Variants in PPP1R13B observed in about 807,000 individuals in gnomAD.
PPP1R13B encodes the protein apoptosis-stimulating of p53 protein 1.
In PPP1R13B, 44 loss-of-function variants were observed where a neutral mutation model predicts 119.8. The ratio of observed to expected loss-of-function variants is 0.37; its 90% CI spans 0.29 to 0.47. PPP1R13B has a LOEUF of 0.47. Ranked by LOEUF, PPP1R13B falls within the 20% of genes least tolerant of loss-of-function variation. The pLI is 0.99. For synonymous variants in PPP1R13B, 542 were observed against 561.5 expected (o/e 0.97, Z 0.49); for missense variants, 1,227 against 1,413.5 (o/e 0.87, Z 2.12).
At chr14:103,816,391 C>T (rs986439326) in intron 1 of PPP1R13B, among the ~76,000 whole-genome samples, 20 of 148,508 alleles carry the variant, frequency 1.3e-4, no homozygotes, top group Non-Finnish European at 2.2e-4. Flanking sequence ...CTCCAGAACT[C>T]AGGCCAGGTT....
chr14:103,760,266 G>A (rs907142664), intron 4 of PPP1R13B, among the ~76,000 whole-genome samples: 2 of 152,172 alleles, frequency 1.3e-5, no homozygotes, highest in Non-Finnish European at 2.9e-5. Flanking sequence ...GCCTATCACT[G>A]TATTACATGC....
chr14:103,820,746 C>T (rs1293909604), intron 1 of PPP1R13B, among the ~76,000 whole-genome samples: 1 of 150,786 alleles, frequency 6.6e-6, no homozygotes, highest in Non-Finnish European at 1.5e-5. Flanking sequence ...GATCCTCCCA[C>T]CTCAGCTTCC....
chr14:103,828,641 G>C (rs555563543), intron 1 of PPP1R13B, among the ~76,000 whole-genome samples: 1 of 152,222 alleles, frequency 6.6e-6, no homozygotes, highest in East Asian at 1.9e-4. Flanking sequence ...TGCTCCAACA[G>C]GAAAGACTTC....
intron 1 of PPP1R13B, among the ~76,000 whole-genome samples, chr14:103,846,312 G>T (rs933640087): frequency 3.3e-5 from 5 of 152,288 alleles, no homozygotes; most frequent in African/African-American, 1.2e-4. Flanking sequence ...GAAGAAGGGG[G>T]ATCTAATCTA....
chr14:103,762,785 C>T lies in PPP1R13B; in HGVS notation c.355-5034G>A, dbSNP rs190164498. On this transcript the variant is annotated intron_variant, in intron 4 of 16. Coordinates refer to ENST00000202556, the MANE Select transcript of PPP1R13B (RefSeq NM_015316.3). Reference sequence around the variant, plus strand: ...CTGCTGTGGGGGCAGGTGGTGGCGGCGGCCGCCCGCTCCAGCCATGCTGAA... The same window carrying T: ...CTGCTGTGGGGGCAGGTGGTGGCGGTGGCCGCCCGCTCCAGCCATGCTGAA... The T allele has an allele frequency of 8.9e-4, 663 of 747,796 alleles. 2 individuals carry two copies. The African/African-American group carries it at 0.01, about 12-fold the overall frequency. 46.3% of individuals were successfully genotyped at this position (747,796 alleles called of 1,614,324 possible). A position where few individuals can be genotyped will look rare whatever the true frequency, so the allele number is the denominator to read the frequency against.
chr14:103,777,870 T>C (rs1341801486), intron 4 of PPP1R13B, among the ~76,000 whole-genome samples: 2 of 149,866 alleles, frequency 1.3e-5, no homozygotes, highest in South Asian at 2.1e-4. Context: ...TCATGACTCA[T>C]GGCAGCCTCA....
At chr14:103,826,391 C>A (rs1192274899) in intron 1 of PPP1R13B, among the ~76,000 whole-genome samples, 2 of 152,104 alleles carry the variant, frequency 1.3e-5, no homozygotes, top group East Asian at 3.8e-4. Context: ...AACTTGAAAC[C>A]CACCTGCTTC....
At position 103,847,384 on chromosome 14, in the gene PPP1R13B, C is replaced by G; in HGVS notation, c.-77G>C. ...GCCGAGCTGTGCCCACCGCTCCGGC[C>G]GCCTCCTAAGGCCGCGCTCCCGCCG... On this transcript the variant is annotated 5_prime_UTR_variant, in exon 1 of 17. Coordinates refer to ENST00000202556, the MANE Select transcript of PPP1R13B (RefSeq NM_015316.3). 1 of 1,099,880 alleles carries G rather than the reference C, an allele frequency of 9.1e-7. No individual in the cohort carries two copies. Among genetic ancestry groups the G allele is most frequent in the South Asian group, 3.2e-5 (1 of 30,788 alleles). The allele number at this position is 1,099,880 out of a possible 1,614,324, so 68.1% of individuals were successfully genotyped here.
At chr14:103,803,444 C>A (rs914528130) in intron 1 of PPP1R13B, among the ~76,000 whole-genome samples, 1 of 152,104 alleles carries the variant, frequency 6.6e-6, no homozygotes, top group Non-Finnish European at 1.5e-5. Flanking sequence ...GAGATCAAGA[C>A]CATCCTGGCT....
intron 15 of PPP1R13B, 136 bp downstream of exon 15, chr14:103,737,558 A>G: frequency 8.7e-7 from 1 of 1,149,710 alleles, no homozygotes; most frequent in South Asian, 1.7e-5. Context: ...CCTGGGTGAC[A>G]GAATGAGACC....
At chr14:103,790,866 G>C (rs546789035) in intron 2 of PPP1R13B, among the ~76,000 whole-genome samples, 1 of 152,276 alleles carries the variant, frequency 6.6e-6, no homozygotes, top group African/African-American at 2.4e-5. Flanking sequence ...AATTAGCCGG[G>C]TGTGATGGCG....
chr14:103,749,259 T>G (rs2084476782), intron 8 of PPP1R13B, among the ~76,000 whole-genome samples: 1 of 152,238 alleles, frequency 6.6e-6, no homozygotes, highest in African/African-American at 2.4e-5. Context: ...GAGTATTTAC[T>G]ACCTTTAAAA....
At chr14:103,811,279 T>C (rs2086150100) in intron 1 of PPP1R13B, among the ~76,000 whole-genome samples, 1 of 152,034 alleles carries the variant, frequency 6.6e-6, no homozygotes, top group African/African-American at 2.4e-5. Context: ...TGTTTTTTAA[T>C]GAACTAGAAC....
At chr14:103,800,936 C>T (rs1302565000) in intron 1 of PPP1R13B, among the ~76,000 whole-genome samples, 13 of 152,122 alleles carry the variant, frequency 8.5e-5, no homozygotes, top group Admixed American at 5.9e-4. Flanking sequence ...CTGCAACCTC[C>T]GCCTCCTGGG....
chr14:103,831,196 AC>A (rs1180429481), intron 1 of PPP1R13B, among the ~76,000 whole-genome samples: 3 of 150,878 alleles, frequency 2.0e-5, no homozygotes, highest in African/African-American at 7.3e-5. Context: ...GCCCACCTCG[AC>A]CTCCCAAAAT....
chr14:103,781,758 T>TCTC (rs1473268398), intron 3 of PPP1R13B, among the ~76,000 whole-genome samples: 1 of 152,082 alleles, frequency 6.6e-6, no homozygotes, highest in African/African-American at 2.4e-5. Flanking sequence ...TTCACACCAT[T>TCTC]CTCCTGCCTC....
chr14:103,780,790 C>T (rs2085318933), intron 3 of PPP1R13B, among the ~76,000 whole-genome samples: 1 of 139,434 alleles, frequency 7.2e-6, no homozygotes, highest in Admixed American at 7.5e-5. Context: ...AGCCTGGCAA[C>T]AGAGTGAGAC....
rs375561809 is a variant in PPP1R13B, at chr14:103,740,515, C to T, written c.1901G>A (p.Gly634Asp). 1.5e-4 allele frequency: 232 copies of T among 1,597,424 alleles called. No individual in the cohort carries two copies. Among genetic ancestry groups the T allele is most frequent in the Non-Finnish European group, 1.9e-4 (223 of 1,169,808 alleles). ...LPFLHGSLST[G>D]TPQPQPPSES... ...TGAAGGTGGCTGAGGCTGTGGTGTG[C>T]CCGTGGACAGTGACCCGTGAAGAAA... Residue 634 changes from glycine to aspartate, a missense_variant, in exon 12 of 17, where the codon GGC becomes GAC. Gly to Asp is a moderately conservative substitution (Grantham distance 94). Transcript: ENST00000202556. This position sits in a 1 kb window ranked among gnomAD's most constrained non-coding sequence, Gnocchi z 4.6.
At position 103,736,219 on chromosome 14, in the gene PPP1R13B, A is replaced by G. The variant is rs555390223; in HGVS notation, c.3032-17T>C. 6.2e-7 allele frequency: 1 copy of G among 1,611,450 alleles called. No homozygotes were observed. The highest frequency in any genetic ancestry group is 1.3e-5 in the African/African-American group (1 of 75,018). On this transcript the variant is annotated splice_polypyrimidine_tract_variant and intron_variant, in intron 15 of 16. Transcript: ENST00000202556. ...CCTGCACCCCTGGAGCCAGAGAGCA[A>G]TGGTCAGGCCTCAGCAGAGGGTGGC...
Sources: allele counts gnomAD v4.1 joint callset (sites outside exome capture counted in the v4.1 genomes callset), GRCh38; gene constraint gnomAD v4.1.1; non-coding constraint Gnocchi (gnomAD v3.1); transcripts MANE v1.5; gene names NCBI Gene and HGNC (gene_info 2026-07-23, HGNC 2026-07-21).